Variants in GALNTL6 observed in about 807,000 individuals in gnomAD.
The protein encoded by GALNTL6 is polypeptide N-acetylgalactosaminyltransferase-like 6.
In GALNTL6, 46 loss-of-function variants were observed where a neutral mutation model predicts 73.7. That is an observed-to-expected ratio of 0.62 (90% CI 0.49 to 0.80). The LOEUF (loss-of-function observed/expected upper bound fraction) is 0.80. Ranked by LOEUF, GALNTL6 falls within the 30% of genes least tolerant of loss-of-function variation. GALNTL6 has a pLI of 0.00. For synonymous variants in GALNTL6, 259 were observed against 263.7 expected, an observed-to-expected ratio of 0.98 and a Z score of 0.17; for missense variants, 604 against 755.0, an observed-to-expected ratio of 0.80 and a Z score of 2.34.
chr4:172,686,338 G>A (rs1271990612), intron 5 of GALNTL6, among the ~76,000 whole-genome samples: 1 of 152,056 alleles, frequency 6.6e-6, no homozygotes, highest in Non-Finnish European at 1.5e-5. Context: ...CTCCCGCCAT[G>A]AACCTACTAA....
chr4:173,022,215 G>T (rs1371766457), intron 12 of GALNTL6, among the ~76,000 whole-genome samples: 1 of 133,872 alleles, frequency 7.5e-6, no homozygotes, highest in Non-Finnish European at 1.5e-5. Flanking sequence ...AAGGAAGGAA[G>T]GAAGGAAGGA....
chr4:173,018,380 A>T (rs1016958926), intron 11 of GALNTL6, among the ~76,000 whole-genome samples: 10 of 152,352 alleles, frequency 6.6e-5, no homozygotes, highest in African/African-American at 2.4e-4. Context: ...TTGATAGTTA[A>T]CATATAATAA....
At chr4:172,815,151 C>T (rs190946898) in intron 7 of GALNTL6, among the ~76,000 whole-genome samples, 12 of 152,166 alleles carry the variant, frequency 7.9e-5, no homozygotes, top group South Asian at 2.1e-4. Context: ...TAAGGTGGGA[C>T]GAGTGACAAG....
intron 5 of GALNTL6, among the ~76,000 whole-genome samples, chr4:172,625,734 T>C (rs888627901): frequency 2.6e-5 from 4 of 152,150 alleles, no homozygotes; most frequent in South Asian, 4.1e-4. Flanking sequence ...TGTGAGATAG[T>C]ATCTCATTGT....
At chr4:172,794,408 A>G (rs1740155939) in intron 5 of GALNTL6, among the ~76,000 whole-genome samples, 1 of 152,184 alleles carries the variant, frequency 6.6e-6, no homozygotes, top group South Asian at 2.1e-4. Flanking sequence ...CTAGGGAGAG[A>G]AATCATTTTC....
At chr4:172,723,509 A>G (rs779373567) in intron 5 of GALNTL6, among the ~76,000 whole-genome samples, 6 of 152,200 alleles carry the variant, frequency 3.9e-5, no homozygotes, top group Non-Finnish European at 8.8e-5. Context: ...TCAATACACC[A>G]TAGTTACTAT....
intron 2 of GALNTL6, among the ~76,000 whole-genome samples, chr4:172,140,585 A>G (rs988279161): frequency 8.6e-5 from 13 of 152,030 alleles, no homozygotes; most frequent in African/African-American, 2.7e-4. Flanking sequence ...AAATTTTCTC[A>G]AGGTCACAAC....
chr4:172,695,952 CA>C (rs956740891), intron 5 of GALNTL6, among the ~76,000 whole-genome samples: 44 of 140,192 alleles, frequency 3.1e-4, no homozygotes, highest in East Asian at 4.1e-4. Flanking sequence ...GACTCTGTCT[CA>C]AAAAAAAAAA....
intron 2 of GALNTL6, among the ~76,000 whole-genome samples, chr4:171,906,538 G>T (rs1737283807): frequency 6.6e-6 from 1 of 152,058 alleles, no homozygotes; most frequent in Non-Finnish European, 1.5e-5. Flanking sequence ...GGTCCAGATG[G>T]ATTCACAGCC....
chr4:172,952,041 T>G lies in GALNTL6; in HGVS notation c.1154T>G (p.Leu385Arg). The change falls in exon 10 of 13, where the codon CTG becomes CGG. Residue 385 changes from leucine (L) to arginine (R), a missense_variant. Physicochemically the swap from Leu to Arg is moderately radical, Grantham distance 102. Transcript: ENST00000506823. ...TTTTGTTTTCCTGCTGCACAGAACCTGAAGCGGGTAGCTGAGACCTGGATG... is the reference window on the plus strand; with the variant it reads ...TTTTGTTTTCCTGCTGCACAGAACCGGAAGCGGGTAGCTGAGACCTGGATG... ...VPSGTSLARN[L>R]KRVAETWMDE... The G allele has an allele frequency of 6.2e-7, 1 of 1,613,136 alleles. No individual in the cohort carries two copies. Among genetic ancestry groups the G allele is most frequent in the Non-Finnish European group, 8.5e-7 (1 of 1,179,332 alleles).
intron 3 of GALNTL6, among the ~76,000 whole-genome samples, chr4:172,299,461 G>C (rs1290896420): frequency 1.3e-5 from 2 of 152,106 alleles, no homozygotes; most frequent in African/African-American, 4.8e-5. Context: ...TGTGATGTTA[G>C]GGTGTCAATT....
At chr4:171,924,457 G>A (rs975992548) in intron 2 of GALNTL6, among the ~76,000 whole-genome samples, 1 of 152,176 alleles carries the variant, frequency 6.6e-6, no homozygotes, top group African/African-American at 2.4e-5. Flanking sequence ...GAAGAGCAAT[G>A]AGACCTGGGT....
At chr4:171,999,117 G>A (rs185746065) in intron 2 of GALNTL6, among the ~76,000 whole-genome samples, 95 of 152,224 alleles carry the variant, frequency 6.2e-4, no homozygotes, top group Admixed American at 5.8e-3. Context: ...GCAATCCCAT[G>A]TCCCTCAATA....
At chr4:172,774,943 G>A (rs755056066) in intron 5 of GALNTL6, among the ~76,000 whole-genome samples, 1 of 147,976 alleles carries the variant, frequency 6.8e-6, no homozygotes, top group African/African-American at 2.6e-5. Context: ...CTGGGTGACA[G>A]AGCGAGGCTC....
intron 7 of GALNTL6, among the ~76,000 whole-genome samples, chr4:172,860,893 A>C (rs1744360282): frequency 6.6e-6 from 1 of 152,126 alleles, no homozygotes; most frequent in South Asian, 2.1e-4. Flanking sequence ...TTTCCCTGAT[A>C]ATTCTGGCTG....
intron 12 of GALNTL6, among the ~76,000 whole-genome samples, chr4:173,031,957 G>C (rs965770356): frequency 6.6e-6 from 1 of 152,096 alleles, no homozygotes; most frequent in Non-Finnish European, 1.5e-5. Flanking sequence ...CCGAAAAGAT[G>C]GAGACTTTTA....
intron 5 of GALNTL6, among the ~76,000 whole-genome samples, chr4:172,599,811 C>A (rs1447153879): frequency 4.6e-5 from 7 of 151,930 alleles, no homozygotes; most frequent in African/African-American, 1.7e-4. Context: ...TTTGTACCAA[C>A]GAGTCATAGA....
chr4:172,342,827 A>G (rs1741616395), intron 4 of GALNTL6, among the ~76,000 whole-genome samples: 1 of 152,202 alleles, frequency 6.6e-6, no homozygotes, highest in African/African-American at 2.4e-5. Context: ...TGCACATTCT[A>G]GGCCCCTGGG....
At chr4:172,380,868 C>A (rs1217800275) in intron 5 of GALNTL6, among the ~76,000 whole-genome samples, 1 of 152,062 alleles carries the variant, frequency 6.6e-6, no homozygotes. Flanking sequence ...TATTCCTTTT[C>A]CTTTTTGCAA....
Sources: allele counts gnomAD v4.1 joint callset (sites outside exome capture counted in the v4.1 genomes callset), GRCh38; gene constraint gnomAD v4.1.1; transcripts MANE v1.5; gene names NCBI Gene and HGNC (gene_info 2026-07-23, HGNC 2026-07-21).